Variants in ZNF410 observed in about 807,000 individuals in gnomAD.
ZNF410 encodes zinc finger protein 410, also known as another partner for ARF 1.
In ZNF410, 18 loss-of-function variants were observed where a neutral mutation model predicts 54.8. That is an observed-to-expected ratio of 0.33 (90% CI 0.23 to 0.49). The LOEUF is 0.49. ZNF410 is among the 20% of genes least tolerant of loss of function. The probability of loss-of-function intolerance (pLI) is 0.99; values close to 1 mark genes in which losing one functional copy is unlikely to be tolerated. For synonymous variants in ZNF410, 191 were observed against 207.3 expected, an observed-to-expected ratio of 0.92 and a Z score of 0.68; for missense variants, 405 against 569.6, an observed-to-expected ratio of 0.71 and a Z score of 2.94.
At chr14:73,930,456 C>T (rs2055895280) in intron 11 of ZNF410, among the ~76,000 whole-genome samples, 1 of 152,062 alleles carries the variant, frequency 6.6e-6, no homozygotes, top group Admixed American at 6.5e-5. Context: ...AGCCATGGTG[C>T]CCAGCCCAAT....
chr14:73,902,819 T>C (rs1240928369), intron 5 of ZNF410, among the ~76,000 whole-genome samples: 3 of 152,200 alleles, frequency 2.0e-5, no homozygotes, highest in Admixed American at 2.0e-4. Flanking sequence ...GTAACTGATT[T>C]TGTTTACATT....
chr14:73,893,007 A>G (rs1414894330), intron 2 of ZNF410, among the ~76,000 whole-genome samples: 1 of 152,082 alleles, frequency 6.6e-6, no homozygotes, highest in Non-Finnish European at 1.5e-5. Flanking sequence ...GCGTGAACCC[A>G]GGAGGTGGAG....
intron 8 of ZNF410, among the ~76,000 whole-genome samples, chr14:73,910,501 T>C (rs2055559748): frequency 6.6e-6 from 1 of 152,096 alleles, no homozygotes; most frequent in African/African-American, 2.4e-5. Context: ...CCCAACACTT[T>C]GGGAGGCCGA....
intron 5 of ZNF410, among the ~76,000 whole-genome samples, chr14:73,900,958 A>G (rs2055397390): frequency 6.6e-6 from 1 of 152,236 alleles, no homozygotes. Context: ...CCCTTGCACT[A>G]ACATGTAATG....
intron 4 of ZNF410, among the ~76,000 whole-genome samples, chr14:73,897,428 A>T (rs2055334717): frequency 6.6e-6 from 1 of 152,190 alleles, no homozygotes; most frequent in African/African-American, 2.4e-5. Flanking sequence ...ATGCTGGCCG[A>T]TAGAGAGGAA....
intron 7 of ZNF410, among the ~76,000 whole-genome samples, chr14:73,907,543 C>T (rs191709180): frequency 2.0e-5 from 3 of 150,122 alleles, no homozygotes; most frequent in East Asian, 3.9e-4. Context: ...TGCAGTGAGC[C>T]GAGATTGCGC....
At chr14:73,889,985 C>T (rs991672059) in intron 1 of ZNF410, among the ~76,000 whole-genome samples, 2 of 151,796 alleles carry the variant, frequency 1.3e-5, no homozygotes, top group African/African-American at 4.8e-5. Flanking sequence ...TTAGTTGAGA[C>T]GGAGTTGCAC....
At position 73,931,730 on chromosome 14, in the gene ZNF410, G is replaced by C; in HGVS notation, c.*189G>C. 1 of 604,556 alleles carries C rather than the reference G, an allele frequency of 1.7e-6. No homozygotes were observed. Among genetic ancestry groups the C allele is most frequent in the Non-Finnish European group, 3.0e-6 (1 of 336,356 alleles). 37.4% of individuals were successfully genotyped at this position (604,556 alleles called of 1,614,324 possible). A position where few individuals can be genotyped will look rare whatever the true frequency, so the allele number is the denominator to read the frequency against. On this transcript the variant is annotated 3_prime_UTR_variant, in exon 12 of 12. Coordinates refer to ENST00000555044, the MANE Select transcript of ZNF410 (RefSeq NM_021188.3). ...AGAGCTTCTTTTCTAACTACCATCT[G>C]ATCAGACAAGGAATGAAGCAATGAC...
rs906481832 is a variant in ZNF410 at position 73,918,997 on chromosome 14, C to CTTTT, written c.1004-1956_1004-1953dup. Among the ~76,000 whole-genome samples, 64 of 60,640 alleles carry CTTTT rather than the reference C, an allele frequency of 1.1e-3. 12 individuals carry two copies. The highest frequency in any genetic ancestry group is 0.01 in the East Asian group (13 of 1,294). The allele number at this position is 60,640 out of a possible 152,430, so 39.8% of individuals were successfully genotyped here. On this transcript the variant is annotated intron_variant, in intron 8 of 11. Coordinates refer to ENST00000555044, the MANE Select transcript of ZNF410 (RefSeq NM_021188.3). ...ACAGGAGTAAGCCACCGTGCCCGGC[C>CTTTT]TTTTTTTTTTTTTTTTTTTTTTTTT...
intron 11 of ZNF410, among the ~76,000 whole-genome samples, chr14:73,929,799 A>G (rs779528481): frequency 1.6e-4 from 24 of 151,998 alleles, no homozygotes; most frequent in Non-Finnish European, 2.4e-4. Flanking sequence ...TCTGGGTGAC[A>G]GAGCCAAACT....
chr14:73,910,205 C>T (rs1048405877), intron 8 of ZNF410, among the ~76,000 whole-genome samples: 15 of 152,150 alleles, frequency 9.9e-5, no homozygotes, highest in South Asian at 2.1e-4. Flanking sequence ...GGAGGTACAA[C>T]CTGATGAGAA....
chr14:73,929,826 G>A (rs2055885124), intron 11 of ZNF410, among the ~76,000 whole-genome samples: 1 of 149,496 alleles, frequency 6.7e-6, no homozygotes, highest in Non-Finnish European at 1.5e-5. Context: ...AAAAAAAAAA[G>A]AAGAAAAATT....
chr14:73,905,966 C>CATATAT lies in ZNF410; in HGVS notation c.913+884_913+885insTATATA, dbSNP rs1197338487. ...ATATACACACACACACACACACACA[C>CATATAT]ACATATATATATATATATATATATA... On this transcript the variant is annotated intron_variant, in intron 7 of 11. Coordinates refer to ENST00000555044, the MANE Select transcript of ZNF410 (RefSeq NM_021188.3). Among the ~76,000 whole-genome samples, 131 of 66,592 alleles carry CATATAT rather than the reference C, an allele frequency of 2.0e-3. 1 individual carries two copies. The highest frequency in any genetic ancestry group is 4.3e-3 in the South Asian group (12 of 2,770). 43.7% of individuals were successfully genotyped at this position (66,592 alleles called of 152,430 possible). A position where few individuals can be genotyped will look rare whatever the true frequency, so the allele number is the denominator to read the frequency against.
At chr14:73,889,039 G>T (rs1399302698) in intron 1 of ZNF410, among the ~76,000 whole-genome samples, 1 of 152,154 alleles carries the variant, frequency 6.6e-6, no homozygotes, top group Non-Finnish European at 1.5e-5. Flanking sequence ...AACATAAAAA[G>T]GACAGTAAAT....
At chr14:73,920,859 A>C in intron 8 of ZNF410, 121 bp from the exon 9 acceptor site, 10 of 1,285,382 alleles carry the variant, frequency 7.8e-6, no homozygotes, top group African/African-American at 1.5e-5. Flanking sequence ...AAGGTGCGGA[A>C]TGGGAAAAGG....
At chr14:73,891,643 C>G (rs1396735463) in intron 1 of ZNF410, among the ~76,000 whole-genome samples, 1 of 152,122 alleles carries the variant, frequency 6.6e-6, no homozygotes, top group African/African-American at 2.4e-5. Flanking sequence ...TGTAAGCCAC[C>G]ACACCCAACC....
chr14:73,901,555 A>G, intron 5 of ZNF410, among the ~76,000 whole-genome samples: 1 of 151,318 alleles, frequency 6.6e-6, no homozygotes, highest in Admixed American at 6.6e-5. Context: ...TTCCTATTTT[A>G]TGATTATATT....
At chr14:73,919,889 T>TG (rs2055730494) in intron 8 of ZNF410, among the ~76,000 whole-genome samples, 1 of 137,162 alleles carries the variant, frequency 7.3e-6, no homozygotes, top group Non-Finnish European at 1.5e-5. Flanking sequence ...TGTATAGGTT[T>TG]TTTTTTTTTT....
Position 73,923,558 on chromosome 14 carries a change from T to G in ZNF410, c.1398+36T>G, listed in dbSNP as rs138471860. 3.8e-6 allele frequency: 6 copies of G among 1,594,164 alleles called. No homozygotes were observed. The African/African-American group carries it at 8.1e-5, about 21-fold the overall frequency. ...CTCTTGCCCTTTGTTTCTGTGACAA[T>G]TCATGTGGGGAATGATTGAGAATTT... is the stretch of plus-strand genomic sequence containing the variant. On this transcript the variant is annotated intron_variant, in intron 11 of 11. Transcript: ENST00000555044.
Sources: gnomAD v4.1 joint callset for allele counts (sites outside exome capture counted in the v4.1 genomes callset) on GRCh38, gnomAD v4.1.1 for gene constraint, MANE v1.5 for transcripts, NCBI Gene and HGNC (gene_info 2026-07-23, HGNC 2026-07-21) for gene names.